ABTB3: variants seen among roughly 807,000 people sequenced by gnomAD.
ABTB3 encodes ankyrin repeat and BTB domain containing 3.
At chr12:107,386,488 C>A in the ABTB3 span, among the ~76,000 whole-genome samples, 1 of 152,172 alleles carries the variant, frequency 6.6e-6, no homozygotes, top group African/African-American at 2.4e-5. Flanking sequence ...TAGATAAAAG[C>A]CCTTTATAAC....
At chr12:107,361,628 T>C in the ABTB3 span, among the ~76,000 whole-genome samples, 1 of 152,198 alleles carries the variant, frequency 6.6e-6, no homozygotes, top group African/African-American at 2.4e-5. Flanking sequence ...GTGACAACCA[T>C]TGAGGTTTGA....
the ABTB3 span, among the ~76,000 whole-genome samples, chr12:107,580,472 AG>A: frequency 6.6e-6 from 1 of 152,210 alleles, no homozygotes; most frequent in Non-Finnish European, 1.5e-5. Context: ...TGAGGCTCTC[AG>A]AGTTTCAGGG....
At chr12:107,512,964 G>A in the ABTB3 span, among the ~76,000 whole-genome samples, 1 of 152,190 alleles carries the variant, frequency 6.6e-6, no homozygotes, top group Non-Finnish European at 1.5e-5. Context: ...AGCTACACAA[G>A]TAGTAAGTAA....
chr12:107,570,398 G>A, the ABTB3 span, among the ~76,000 whole-genome samples: 1 of 151,940 alleles, frequency 6.6e-6, no homozygotes, highest in Non-Finnish European at 1.5e-5. Flanking sequence ...TATTTTTAGT[G>A]GAGATGGTGT....
the ABTB3 span, among the ~76,000 whole-genome samples, chr12:107,567,246 G>A: frequency 6.6e-6 from 1 of 152,238 alleles, no homozygotes; most frequent in Non-Finnish European, 1.5e-5. Flanking sequence ...ATATAAAAGT[G>A]TCGCCCTTGC....
chr12:107,571,070 G>A, the ABTB3 span, among the ~76,000 whole-genome samples: 9 of 152,138 alleles, frequency 5.9e-5, no homozygotes, highest in African/African-American at 2.2e-4. Flanking sequence ...CTTACTTCAG[G>A]GCTCTTGTCA....
chr12:107,580,818 C>T, the ABTB3 span: 1 of 1,525,382 alleles, frequency 6.6e-7, no homozygotes, highest in South Asian at 1.2e-5. Context: ...AGTGACTCAT[C>T]CTTATGTTCA....
the ABTB3 span, among the ~76,000 whole-genome samples, chr12:107,446,777 T>C: frequency 6.6e-6 from 1 of 152,180 alleles, no homozygotes; most frequent in African/African-American, 2.4e-5. Context: ...TTCTGAAGAC[T>C]GTACCCAGAT....
the ABTB3 span, among the ~76,000 whole-genome samples, chr12:107,583,815 A>G: frequency 6.6e-6 from 1 of 152,222 alleles, no homozygotes; most frequent in Admixed American, 6.5e-5. Flanking sequence ...TGCACAGAGG[A>G]GCAGAGGAAG....
chr12:107,386,890 A>AGTGTGTGT, the ABTB3 span, among the ~76,000 whole-genome samples: 8,835 of 143,244 alleles, frequency 0.062, 608 homozygotes, highest in African/African-American at 0.16. Context: ...GGAAATGGAA[A>AGTGTGTGT]GTGTGTGTGT....
the ABTB3 span, among the ~76,000 whole-genome samples, chr12:107,437,081 G>C: frequency 1.3e-5 from 2 of 152,158 alleles, no homozygotes; most frequent in South Asian, 4.1e-4. Flanking sequence ...GAAAGCCTGG[G>C]CTGTGGATGG....
the ABTB3 span, chr12:107,658,223 A>T: frequency 3.9e-4 from 59 of 153,238 alleles, no homozygotes; most frequent in Admixed American, 1.1e-3. Context: ...ATGTTCATTT[A>T]AAAAAAAACA....
At chr12:107,389,544 A>T in the ABTB3 span, among the ~76,000 whole-genome samples, 4 of 152,132 alleles carry the variant, frequency 2.6e-5, no homozygotes, top group Non-Finnish European at 5.9e-5. Context: ...CAATTTCTGG[A>T]TTTGGCCTCC....
At chr12:107,576,770 T>C in the ABTB3 span, among the ~76,000 whole-genome samples, 1 of 152,154 alleles carries the variant, frequency 6.6e-6, no homozygotes, top group African/African-American at 2.4e-5. Flanking sequence ...CCGCACTCTT[T>C]ACCACGTCTC....
At chr12:107,383,199 G>A in the ABTB3 span, among the ~76,000 whole-genome samples, 1 of 152,234 alleles carries the variant, frequency 6.6e-6, no homozygotes, top group Non-Finnish European at 1.5e-5. Context: ...ACCAAATTTA[G>A]GGTGCAGACC....
At chr12:107,628,234 AG>A in the ABTB3 span, among the ~76,000 whole-genome samples, 1 of 152,134 alleles carries the variant, frequency 6.6e-6, no homozygotes, top group Admixed American at 6.5e-5. Context: ...TCTGCCTTCC[AG>A]GTTCAAGCGA....
chr12:107,453,709 A>T, the ABTB3 span, among the ~76,000 whole-genome samples: 1 of 152,116 alleles, frequency 6.6e-6, no homozygotes, highest in Non-Finnish European at 1.5e-5. Flanking sequence ...TAAACCAGAA[A>T]ATGGGATAGG....
At chr12:107,445,509 G>A in the ABTB3 span, among the ~76,000 whole-genome samples, 1 of 152,146 alleles carries the variant, frequency 6.6e-6, no homozygotes, top group Admixed American at 6.5e-5. Flanking sequence ...GTGGTGCCCA[G>A]GGAGTGGGTG....
chr12:107,448,644 T>TC, the ABTB3 span, among the ~76,000 whole-genome samples: 1 of 137,354 alleles, frequency 7.3e-6, no homozygotes, highest in Non-Finnish European at 1.5e-5. Context: ...TTTCTTTCTT[T>TC]CTTTTTTTTT....
Sources: gnomAD v4.1 joint callset for allele counts (sites outside exome capture counted in the v4.1 genomes callset) on GRCh38, gnomAD v4.1.1 for gene constraint, MANE v1.5 for transcripts, NCBI Gene and HGNC (gene_info 2026-07-23, HGNC 2026-07-21) for gene names.